FAM186B: variants seen among roughly 807,000 people sequenced by gnomAD.
FAM186B encodes the protein protein FAM186B.
FAM186B carries 68 observed loss-of-function variants against 83.4 expected under a neutral mutation model. The ratio of observed to expected loss-of-function variants is 0.81; its 90% CI spans 0.67 to 1.00. The LOEUF (loss-of-function observed/expected upper bound fraction) is 1.00, where lower values mean the gene tolerates loss of function less well. FAM186B is among the 50% of genes least tolerant of loss of function. The pLI is 0.00. For missense variants in FAM186B, 983 were observed against 1,099.2 expected (o/e 0.89, Z 1.49); for synonymous variants, 389 against 422.0 (o/e 0.92, Z 0.96).
intron 2 of FAM186B, among the ~76,000 whole-genome samples, chr12:49,603,693 C>T (rs1428842286): frequency 6.6e-6 from 1 of 152,182 alleles, no homozygotes; most frequent in Non-Finnish European, 1.5e-5. Flanking sequence ...ATTGCCTAGT[C>T]CAACATCTGG....
chr12:49,589,190 C>G (rs1210148402), intron 5 of FAM186B, among the ~76,000 whole-genome samples: 2 of 152,218 alleles, frequency 1.3e-5, no homozygotes, highest in African/African-American at 4.8e-5. Context: ...AGCCCTCACA[C>G]CAATGCCTCA....
At position 49,599,583 on chromosome 12, in the gene FAM186B, T is replaced by C; in HGVS notation, c.2057A>G (p.His686Arg). 1 of 1,612,922 alleles carries C rather than the reference T, an allele frequency of 6.2e-7. No homozygotes were observed. ...CTCCAGTGCTTTGCTGCGCAGGTAG[T>C]GGGGCAGCCTCAACTCAGACTCCTC... is the stretch of plus-strand genomic sequence containing the variant. ...LSEESELRLP[H>R]YLRSKALELT... is the part of the protein sequence containing the mutation. Residue 686 changes from histidine to arginine, a missense_variant, in exon 4 of 7, where the codon CAC (histidine) becomes CGC (arginine). By Grantham distance (29) the His-to-Arg change is conservative. Transcript: ENST00000257894.
In FAM186B at chr12:49,598,875, G is replaced by T. The variant is rs1939794659; in HGVS notation, c.2244C>A (p.Ile748=). ...EASYKAQNLY[I]FLENIDRLQS... is the part of the protein sequence containing the mutation. Reference sequence around the variant, plus strand: ...GCAGGCGGTCAATGTTTTCCAGGAAGATGTAGAGGTTCTGGGCCTTGTAGG... The same window carrying T: ...GCAGGCGGTCAATGTTTTCCAGGAATATGTAGAGGTTCTGGGCCTTGTAGG... Residue 748 remains isoleucine (I), a synonymous_variant, in exon 5 of 7, where the codon ATC becomes ATA. Transcript: ENST00000257894. 1 of 1,613,648 alleles carries T rather than the reference G, an allele frequency of 6.2e-7. No individual in the cohort carries two copies. The highest frequency in any genetic ancestry group is 1.3e-5 in the African/African-American group (1 of 74,848).
At chr12:49,607,990 G>A (rs902742373), upstream of FAM186B, among the ~76,000 whole-genome samples, 5 of 151,622 alleles carry the variant, frequency 3.3e-5, no homozygotes, top group African/African-American at 7.3e-5. Flanking sequence ...ATCAGCCACC[G>A]CACCCAGCTG....
intron 4 of FAM186B, 51 bp from the exon 5 acceptor site, chr12:49,598,998 C>T (rs1939799762): frequency 1.3e-6 from 2 of 1,563,026 alleles, no homozygotes; most frequent in African/African-American, 2.7e-5. Context: ...TCCTCTATCC[C>T]CCAAGTCTGT....
downstream of FAM186B, chr12:49,587,447 G>A: frequency 9.7e-7 from 1 of 1,029,568 alleles, no homozygotes; most frequent in Non-Finnish European, 1.4e-6. Flanking sequence ...CAGCCGCCGA[G>A]CAAAGGAACC....
chr12:49,586,465 C>T (rs1165014645), downstream of FAM186B, among the ~76,000 whole-genome samples: 49 of 152,112 alleles, frequency 3.2e-4, no homozygotes, highest in Admixed American at 3.1e-3. Context: ...ATGCACATAT[C>T]TCCGTGTGTG....
chr12:49,595,658 T>C, intron 5 of FAM186B: 1 of 427,006 alleles, frequency 2.3e-6, no homozygotes, highest in Non-Finnish European at 4.7e-6. Flanking sequence ...AGATGGCAGC[T>C]CAAGTGAAGG....
At chr12:49,618,227 C>T in the FAM186B span, among the ~76,000 whole-genome samples, 6 of 152,036 alleles carry the variant, frequency 3.9e-5, no homozygotes, top group Non-Finnish European at 8.8e-5. Context: ...TGCCTGTAAT[C>T]GCAGCTACGC....
At chr12:49,585,266 C>T (rs922348528), downstream of FAM186B, among the ~76,000 whole-genome samples, 2 of 152,198 alleles carry the variant, frequency 1.3e-5, no homozygotes, top group Non-Finnish European at 2.9e-5. Context: ...GATCTGCCCA[C>T]CTCGGCCTCT....
downstream of FAM186B, chr12:49,584,440 T>C: frequency 1.4e-6 from 1 of 697,208 alleles, no homozygotes; most frequent in Non-Finnish European, 2.6e-6. Context: ...TCTGTGGGTT[T>C]CCGTCCCTCA....
chr12:49,595,742 G>C (rs1939702377), intron 5 of FAM186B: 2 of 254,194 alleles, frequency 7.9e-6, no homozygotes, highest in South Asian at 8.5e-5. Context: ...CCAGCATTTT[G>C]GGAGGCTGAG....
At chr12:49,591,163 T>A (rs969550387) in intron 5 of FAM186B, among the ~76,000 whole-genome samples, 1 of 152,154 alleles carries the variant, frequency 6.6e-6, no homozygotes, top group Non-Finnish European at 1.5e-5. Flanking sequence ...GCAGCCTTGC[T>A]GAGATGAGGA....
chr12:49,611,803 G>A, the FAM186B span, among the ~76,000 whole-genome samples: 2 of 143,600 alleles, frequency 1.4e-5, no homozygotes, highest in Non-Finnish European at 3.0e-5. Context: ...AGGTGGCAGT[G>A]AGCTGAGATC....
At chr12:49,593,852 A>T (rs1175060155) in intron 5 of FAM186B, among the ~76,000 whole-genome samples, 1 of 152,188 alleles carries the variant, frequency 6.6e-6, no homozygotes, top group Non-Finnish European at 1.5e-5. Flanking sequence ...GTACATAAGC[A>T]ATCTTAAATG....
chr12:49,586,162 T>C (rs1391696460), downstream of FAM186B, among the ~76,000 whole-genome samples: 1 of 152,170 alleles, frequency 6.6e-6, no homozygotes, highest in African/African-American at 2.4e-5. Flanking sequence ...TAAGTTCCCT[T>C]AGAAAGGGGA....
chr12:49,617,287 G>A, the FAM186B span, among the ~76,000 whole-genome samples: 4 of 152,246 alleles, frequency 2.6e-5, no homozygotes, highest in East Asian at 7.7e-4. Context: ...GCTCACGCCT[G>A]TAATCCCAGC....
intron 5 of FAM186B, 85 bp from the exon 6 acceptor site, chr12:49,588,708 G>T: frequency 7.2e-7 from 1 of 1,392,920 alleles, no homozygotes; most frequent in Non-Finnish European, 9.7e-7. Flanking sequence ...GTTTGTTGGT[G>T]CCCCTGCTGG....
intron 5 of FAM186B, among the ~76,000 whole-genome samples, chr12:49,594,533 A>G (rs747451270): frequency 6.6e-6 from 1 of 152,196 alleles, no homozygotes; most frequent in Non-Finnish European, 1.5e-5. Flanking sequence ...TTTTAACAAT[A>G]TACTATAATA....
Sources: allele counts gnomAD v4.1 joint callset (sites outside exome capture counted in the v4.1 genomes callset), GRCh38; gene constraint gnomAD v4.1.1; transcripts MANE v1.5; gene names NCBI Gene and HGNC (gene_info 2026-07-23, HGNC 2026-07-21).